The following PDE2A variants were observed in gnomAD, a reference collection of about 807,000 sequenced individuals.
The protein encoded by PDE2A is cGMP-dependent 3',5'-cyclic phosphodiesterase.
Under a neutral mutation model 133.6 loss-of-function variants are expected in PDE2A, and 53 were observed. That is an observed-to-expected ratio of 0.40 (90% CI 0.32 to 0.50). The LOEUF (loss-of-function observed/expected upper bound fraction) is 0.50, where lower values mean the gene tolerates loss of function less well. PDE2A is among the 20% of genes least tolerant of loss of function. The pLI, the probability that PDE2A is intolerant of heterozygous loss-of-function variation, is 0.73. For synonymous variants in PDE2A, 491 were observed against 490.2 expected (o/e 1.00, Z -0.02); for missense variants, 796 against 1,232.4 (o/e 0.65, Z 5.30).
chr11:72,636,221 G>C, intron 2 of PDE2A: 3 of 866,990 alleles, frequency 3.5e-6, no homozygotes, highest in Non-Finnish European at 4.2e-6. Flanking sequence ...CACATCAGAG[G>C]CAGCAGCTTC....
intron 13 of PDE2A, among the ~76,000 whole-genome samples, chr11:72,587,266 C>T (rs1856019894): frequency 6.6e-6 from 1 of 152,296 alleles, no homozygotes; most frequent in African/African-American, 2.4e-5. Context: ...GTCAGTGTAT[C>T]CTATCCCTGG....
chr11:72,588,742 T>C (rs1856093401), intron 13 of PDE2A, 42 bp downstream of exon 13: 1 of 1,556,186 alleles, frequency 6.4e-7, no homozygotes, highest in Non-Finnish European at 8.7e-7. Flanking sequence ...AGCCAGCCTC[T>C]CAGTGACATC....
chr11:72,631,512 C>T (rs912061644), intron 2 of PDE2A, among the ~76,000 whole-genome samples: 1 of 152,182 alleles, frequency 6.6e-6, no homozygotes, highest in African/African-American at 2.4e-5. Flanking sequence ...AAATGGGATC[C>T]GTAATGTCCA....
rs529684581 is a variant in PDE2A, at chr11:72,577,832, C to T, written c.2616-238G>A. ...TACTAAAAATACAAAATTAGCTGGG[C>T]GTGGTGGTGCATGCCTGTAATCCCA... On this transcript the variant is annotated intron_variant, in intron 30 of 30. Coordinates refer to ENST00000334456, the MANE Select transcript of PDE2A (RefSeq NM_002599.5). 5.3e-5 allele frequency among the ~76,000 whole-genome samples: 8 copies of T among 152,158 alleles called. No homozygotes were observed. The East Asian group carries it at 5.8e-4, about 11-fold the overall frequency.
intron 24 of PDE2A, 112 bp from the exon 25 acceptor site, chr11:72,580,736 A>G (rs991064574): frequency 5.4e-5 from 57 of 1,046,180 alleles, no homozygotes; most frequent in Non-Finnish European, 7.6e-5. Context: ...TCCCTATCTC[A>G]GAGCCAGGGG....
intron 2 of PDE2A, among the ~76,000 whole-genome samples, chr11:72,629,860 G>A (rs975249016): frequency 1.3e-5 from 2 of 152,164 alleles, no homozygotes; most frequent in Non-Finnish European, 2.9e-5. Context: ...TACCTCATGG[G>A]GGTGCTGTAA....
intron 1 of PDE2A, among the ~76,000 whole-genome samples, chr11:72,673,309 C>G (rs550826120): frequency 4.0e-4 from 61 of 152,200 alleles, no homozygotes; most frequent in African/African-American, 1.4e-3. Context: ...ATCACAAACT[C>G]TGACAGGCTG....
At chr11:72,634,986 T>C (rs1165004198) in intron 2 of PDE2A, among the ~76,000 whole-genome samples, 2 of 152,194 alleles carry the variant, frequency 1.3e-5, no homozygotes, top group Non-Finnish European at 2.9e-5. Flanking sequence ...CCCCTCAGGC[T>C]GTCAGGGAAG....
At chr11:72,581,064 C>T in intron 23 of PDE2A, 91 bp from the exon 24 acceptor site, 1 of 934,756 alleles carries the variant, frequency 1.1e-6, no homozygotes, top group Non-Finnish European at 1.7e-6. Context: ...ATGACATGCC[C>T]AGGAGCCACT....
chr11:72,618,991 C>T (rs1257662006), intron 2 of PDE2A, among the ~76,000 whole-genome samples: 1 of 152,196 alleles, frequency 6.6e-6, no homozygotes, highest in Non-Finnish European at 1.5e-5. Context: ...GGAATCTCTC[C>T]TACTTTCCTT....
rs34217943 is a variant in PDE2A, at chr11:72,664,364, ATTTTTTTT to A, written c.71+9765_71+9772del. ...CAAAATAGGGCTAGCCCCTTGAAGG[ATTTTTTTT>A]TTTTTTTTTTTTTTTTTTTGAGACG... On this transcript the variant is annotated intron_variant, in intron 1 of 30. Coordinates refer to ENST00000334456, the MANE Select transcript of PDE2A (RefSeq NM_002599.5). Among the ~76,000 whole-genome samples, 7 of 70,076 alleles carry A rather than the reference ATTTTTTTT, an allele frequency of 1.0e-4. 1 individual carries two copies. The highest frequency in any genetic ancestry group is 1.8e-4 in the Admixed American group (1 of 5,546). The allele number at this position is 70,076 out of a possible 152,430, so 46.0% of individuals were successfully genotyped here.
chr11:72,596,255 C>T (rs777023020), intron 6 of PDE2A, among the ~76,000 whole-genome samples: 1 of 152,128 alleles, frequency 6.6e-6, no homozygotes, highest in Non-Finnish European at 1.5e-5. Context: ...GTGCTGCGTA[C>T]GCCAAAGGCT....
chr11:72,630,519 T>A (rs573483317), intron 2 of PDE2A, among the ~76,000 whole-genome samples: 3 of 147,498 alleles, frequency 2.0e-5, no homozygotes, highest in Non-Finnish European at 4.5e-5. Context: ...CAGGAGCAGT[T>A]TGGGGGAGGC....
chr11:72,596,670 G>C (rs1345318911), intron 5 of PDE2A, 22 bp from the exon 6 acceptor site: 1 of 1,411,544 alleles, frequency 7.1e-7, no homozygotes, highest in African/African-American at 1.5e-5. Context: ...AGGGCAATGA[G>C]GTGCTCCTGC....
chr11:72,657,323 G>C (rs1435054587), intron 1 of PDE2A, among the ~76,000 whole-genome samples: 1 of 152,188 alleles, frequency 6.6e-6, no homozygotes, highest in East Asian at 1.9e-4. Flanking sequence ...AGGCTCAGAA[G>C]AAGTGGGAGG....
intron 2 of PDE2A, among the ~76,000 whole-genome samples, chr11:72,625,781 T>G (rs1858028146): frequency 6.6e-6 from 1 of 151,294 alleles, no homozygotes; most frequent in East Asian, 1.9e-4. Flanking sequence ...CCCCACAGAC[T>G]CCCCCCAGCA....
chr11:72,664,365 T>TC (rs1855167088), intron 1 of PDE2A, among the ~76,000 whole-genome samples: 1 of 20,628 alleles, frequency 4.8e-5, no homozygotes, highest in Admixed American at 3.5e-4. Flanking sequence ...CCTTGAAGGA[T>TC]TTTTTTTTTT....
In PDE2A at chr11:72,577,237, A is replaced by C; in HGVS notation, c.*147T>G. The C allele has an allele frequency of 3.3e-6, 2 of 612,334 alleles. No homozygotes were observed. The highest frequency in any genetic ancestry group is 5.8e-6 in the Non-Finnish European group (2 of 347,346). 37.9% of individuals were successfully genotyped at this position (612,334 alleles called of 1,614,324 possible). A position where few individuals can be genotyped will look rare whatever the true frequency, so the allele number is the denominator to read the frequency against. On this transcript the variant is annotated 3_prime_UTR_variant, in exon 31 of 31. Coordinates refer to ENST00000334456, the MANE Select transcript of PDE2A (RefSeq NM_002599.5). ...TTCCATTATACAGACGAGAAAGCTG[A>C]GGCCCAGGAAGGTAGTACTTGTCCA... is the stretch of plus-strand genomic sequence containing the variant.
At chr11:72,672,594 G>A (rs1591153735) in intron 1 of PDE2A, among the ~76,000 whole-genome samples, 1 of 152,110 alleles carries the variant, frequency 6.6e-6, no homozygotes, top group African/African-American at 2.4e-5. Flanking sequence ...GGATCTTAAA[G>A]TTCTATTGAA....
Sources: gnomAD v4.1 joint callset for allele counts (sites outside exome capture counted in the v4.1 genomes callset) on GRCh38, gnomAD v4.1.1 for gene constraint, MANE v1.5 for transcripts, NCBI Gene and HGNC (gene_info 2026-07-23, HGNC 2026-07-21) for gene names.